The following RNF220 variants were observed in gnomAD, a reference collection of about 807,000 sequenced individuals.
RNF220 encodes ring finger protein 220.
In RNF220, 7 loss-of-function variants were observed where a neutral mutation model predicts 67.1. The ratio of observed to expected loss-of-function variants is 0.10; its 90% confidence interval spans 0.06 to 0.20. The LOEUF (loss-of-function observed/expected upper bound fraction) is 0.20, where lower values mean the gene tolerates loss of function less well. Ranked by LOEUF, RNF220 falls within the 10% of genes least tolerant of loss-of-function variation. RNF220 has a pLI of 1.00. For synonymous variants in RNF220, 270 were observed against 283.2 expected, an observed-to-expected ratio of 0.95 and a Z score of 0.47; for missense variants, 565 against 740.3, an observed-to-expected ratio of 0.76 and a Z score of 2.75.
intron 2 of RNF220, among the ~76,000 whole-genome samples, chr1:44,530,317 C>G (rs971617478): frequency 6.6e-6 from 1 of 152,012 alleles, no homozygotes; most frequent in African/African-American, 2.4e-5. Flanking sequence ...CAAGATGGAG[C>G]AAAAACTACA....
chr1:44,614,203 C>T lies in RNF220; in HGVS notation c.664C>T (p.Pro222Ser). 1 of 1,614,196 alleles carries T rather than the reference C, an allele frequency of 6.2e-7. No individual in the cohort carries two copies. The highest frequency in any genetic ancestry group is 2.2e-5 in the East Asian group (1 of 44,886). Residue 222 changes from proline to serine, a missense_variant, in exon 3 of 15, where the codon CCA becomes TCA. Transcript: ENST00000361799. ...KAAALFDSQAPICPICQVLLR... is the reference protein window; with the variant it reads ...KAAALFDSQASICPICQVLLR... ...AGCGGCATTGTTCGACAGCCAGGCCCCAATTTGCCCCATCTGCCAGGTCCT... is the reference window on the plus strand; with the variant it reads ...AGCGGCATTGTTCGACAGCCAGGCCTCAATTTGCCCCATCTGCCAGGTCCT...
chr1:44,442,820 C>A (rs903346006), intron 2 of RNF220, among the ~76,000 whole-genome samples: 1 of 152,014 alleles, frequency 6.6e-6, no homozygotes, highest in Admixed American at 6.6e-5. Context: ...CCTGGCCTAC[C>A]CCTCTTTAAA....
intron 2 of RNF220, among the ~76,000 whole-genome samples, chr1:44,461,920 C>CTTTTTTTTTTTTTTTTTT (rs1445179984): frequency 1.0e-4 from 12 of 118,170 alleles, no homozygotes; most frequent in African/African-American, 4.1e-4. Context: ...TTTCTTTTTT[C>CTTTTTTTTTTTTTTTTTT]TTTGTTTTTT....
At chr1:44,632,562 G>T in intron 6 of RNF220, 177 bp downstream of exon 6, 1 of 663,982 alleles carries the variant, frequency 1.5e-6, no homozygotes, top group East Asian at 2.7e-5. Flanking sequence ...TTCCCCGTCT[G>T]TCTAATGGAG....
intron 6 of RNF220, among the ~76,000 whole-genome samples, chr1:44,633,179 G>A (rs761815927): frequency 2.6e-5 from 4 of 152,170 alleles, no homozygotes; most frequent in Non-Finnish European, 4.4e-5. Flanking sequence ...GCCCTAGTCT[G>A]GAAAAGGGAG....
chr1:44,592,869 G>A (rs1051459998), intron 2 of RNF220, among the ~76,000 whole-genome samples: 1 of 152,206 alleles, frequency 6.6e-6, no homozygotes, highest in Non-Finnish European at 1.5e-5. Flanking sequence ...CCCTATGACA[G>A]CCCAGCCCTG....
intron 2 of RNF220, among the ~76,000 whole-genome samples, chr1:44,487,336 AAAATAAAT>A (rs149516718): frequency 3.4e-5 from 5 of 146,920 alleles, no homozygotes; most frequent in African/African-American, 5.0e-5. Flanking sequence ...CTCTGTCTCA[AAAATAAAT>A]AAATAAATAA....
intron 2 of RNF220, among the ~76,000 whole-genome samples, chr1:44,554,526 T>C (rs1237004714): frequency 6.6e-6 from 1 of 151,952 alleles, no homozygotes; most frequent in Non-Finnish European, 1.5e-5. Context: ...AGAAAAAAGC[T>C]CCAATGTCAG....
At chr1:44,590,100 C>G (rs1448121915) in intron 2 of RNF220, among the ~76,000 whole-genome samples, 3 of 152,116 alleles carry the variant, frequency 2.0e-5, no homozygotes, top group African/African-American at 4.8e-5. Context: ...GGATGCTGGC[C>G]CAGGTATGGT....
intron 3 of RNF220, among the ~76,000 whole-genome samples, chr1:44,619,564 C>T (rs1643707239): frequency 6.6e-6 from 1 of 152,198 alleles, no homozygotes; most frequent in Admixed American, 6.5e-5. Flanking sequence ...TGTAAATCAC[C>T]TTAATTAAAA....
chr1:44,440,137 A>C (rs1189675698), intron 2 of RNF220, among the ~76,000 whole-genome samples: 1 of 152,252 alleles, frequency 6.6e-6, no homozygotes, highest in Non-Finnish European at 1.5e-5. Context: ...GGGTATATTT[A>C]CATCTAAATT....
chr1:44,520,357 T>C (rs1356109710), intron 2 of RNF220, among the ~76,000 whole-genome samples: 1 of 152,022 alleles, frequency 6.6e-6, no homozygotes, highest in Non-Finnish European at 1.5e-5. Context: ...TCCCAGCTAC[T>C]TGGGAGGCTG....
rs556208387 is a variant in RNF220, at chr1:44,459,968, G to C, written c.625+47246G>C. Among the ~76,000 whole-genome samples the C allele has an allele frequency of 2.0e-3, 308 of 152,278 alleles. 2 individuals carry two copies. The highest frequency in any genetic ancestry group is 3.5e-3 in the Non-Finnish European group (240 of 68,016). ...TTTTCCTAAAAGTGGACCCTGAGAC[G>C]AGGATTAGTCTATTTGAAAGATGAA... On this transcript the variant is annotated intron_variant, in intron 2 of 14. Transcript: ENST00000361799.
At chr1:44,486,101 T>G (rs1481857176) in intron 2 of RNF220, among the ~76,000 whole-genome samples, 2 of 152,230 alleles carry the variant, frequency 1.3e-5, no homozygotes, top group East Asian at 3.8e-4. Flanking sequence ...TCAGCAACTC[T>G]CTGAATACTT....
Position 44,405,526 on chromosome 1 carries a change from G to C in RNF220, c.-122G>C. On this transcript the variant is annotated 5_prime_UTR_variant, in exon 1 of 15. Coordinates refer to ENST00000361799, the MANE Select transcript of RNF220 (RefSeq NM_018150.4). Reference sequence around the variant, plus strand: ...GACCGTTCTCCCAAGGAATTTCCACGGCAAGTATGGAGATCAGAAAGGGGT... The same window carrying C: ...GACCGTTCTCCCAAGGAATTTCCACCGCAAGTATGGAGATCAGAAAGGGGT... 2.3e-6 allele frequency: 1 copy of C among 438,030 alleles called. No individual in the cohort carries two copies. Among genetic ancestry groups the C allele is most frequent in the Non-Finnish European group, 4.1e-6 (1 of 243,642 alleles). The allele number at this position is 438,030 out of a possible 1,614,324, so 27.1% of individuals were successfully genotyped here.
chr1:44,511,322 A>G (rs1218599881), intron 2 of RNF220, among the ~76,000 whole-genome samples: 1 of 152,166 alleles, frequency 6.6e-6, no homozygotes, highest in Non-Finnish European at 1.5e-5. Context: ...TGAACCCTAG[A>G]GAGAAACTTT....
intron 2 of RNF220, among the ~76,000 whole-genome samples, chr1:44,561,850 G>A (rs141876647): frequency 3.2e-4 from 48 of 152,298 alleles, no homozygotes; most frequent in Admixed American, 1.8e-3. Context: ...TCAGGAGGTT[G>A]AGGCTACTGT....
At chr1:44,541,601 T>A (rs1015509813) in intron 2 of RNF220, among the ~76,000 whole-genome samples, 5 of 152,246 alleles carry the variant, frequency 3.3e-5, no homozygotes, top group East Asian at 1.9e-4. Flanking sequence ...GGAAGGTTCC[T>A]CAGAGACTTA....
intron 2 of RNF220, chr1:44,545,545 G>A (rs1010248498): frequency 6.5e-6 from 1 of 154,206 alleles, no homozygotes; most frequent in Non-Finnish European, 1.5e-5. Context: ...TCTTCCCTTT[G>A]CCCAATTATG....
Sources: gnomAD v4.1 joint callset for allele counts (sites outside exome capture counted in the v4.1 genomes callset) on GRCh38, gnomAD v4.1.1 for gene constraint, MANE v1.5 for transcripts, NCBI Gene and HGNC (gene_info 2026-07-23, HGNC 2026-07-21) for gene names.